HCRTR2: variants seen among roughly 807,000 people sequenced by gnomAD.
HCRTR2 encodes the protein orexin receptor type 2.
A neutral mutation model predicts 49.0 loss-of-function variants in HCRTR2; 22 were observed. That is an observed-to-expected ratio of 0.45 (90% CI 0.32 to 0.64). The LOEUF (loss-of-function observed/expected upper bound fraction) is 0.64. HCRTR2 is among the 30% of genes least tolerant of loss of function. The pLI is 0.04. For missense variants in HCRTR2, 491 were observed against 559.4 expected (o/e 0.88, Z 1.23); for synonymous variants, 236 against 205.3 (o/e 1.15, Z -1.28).
At chr6:55,219,502 A>T (rs2127295160) in intron 1 of HCRTR2, among the ~76,000 whole-genome samples, 1 of 152,266 alleles carries the variant, frequency 6.6e-6, no homozygotes, top group South Asian at 2.1e-4. Context: ...GATAAATGAA[A>T]ATGTCTCAAG....
intron 1 of HCRTR2, among the ~76,000 whole-genome samples, chr6:55,224,886 A>C (rs1416139323): frequency 6.6e-6 from 1 of 152,174 alleles, no homozygotes; most frequent in African/African-American, 2.4e-5. Flanking sequence ...GAAACGGTCA[A>C]AGAATAAAAA....
At chr6:55,184,469 T>G (rs1299757618) in intron 1 of HCRTR2, among the ~76,000 whole-genome samples, 2 of 152,190 alleles carry the variant, frequency 1.3e-5, no homozygotes, top group East Asian at 1.9e-4. Flanking sequence ...AAATTTGAGA[T>G]CTAATAAACA....
At chr6:55,142,954 A>T (rs1388836138) in intron 1 of HCRTR2, among the ~76,000 whole-genome samples, 1 of 146,482 alleles carries the variant, frequency 6.8e-6, no homozygotes, top group African/African-American at 2.5e-5. Context: ...AAATAAATAG[A>T]TGGATAGAGG....
chr6:55,120,103 G>A (rs564121867), intron 1 of HCRTR2, among the ~76,000 whole-genome samples: 25 of 152,160 alleles, frequency 1.6e-4, no homozygotes, highest in Admixed American at 1.5e-3. Context: ...TTATTTCTGA[G>A]GCCTCTATTC....
chr6:55,233,780 T>G (rs1467235815), intron 1 of HCRTR2, among the ~76,000 whole-genome samples: 1 of 152,206 alleles, frequency 6.6e-6, no homozygotes, highest in Non-Finnish European at 1.5e-5. Context: ...TTTGCTTTAT[T>G]TACTCAATTA....
intron 1 of HCRTR2, among the ~76,000 whole-genome samples, chr6:55,161,126 A>G (rs1161556311): frequency 6.6e-6 from 1 of 152,194 alleles, no homozygotes; most frequent in Non-Finnish European, 1.5e-5. Context: ...AAATCATAAC[A>G]AACAGTCTCT....
intron 1 of HCRTR2, among the ~76,000 whole-genome samples, chr6:55,154,453 G>A (rs373319685): frequency 1.3e-5 from 2 of 151,678 alleles, no homozygotes; most frequent in Admixed American, 6.6e-5. Context: ...TCCTTAGGAC[G>A]CAAGGATAAG....
At chr6:55,164,645 G>T (rs1387300551) in intron 1 of HCRTR2, among the ~76,000 whole-genome samples, 2 of 151,994 alleles carry the variant, frequency 1.3e-5, no homozygotes, top group Non-Finnish European at 2.9e-5. Context: ...GCTAGGGGAG[G>T]GATAACATTA....
At chr6:55,217,447 C>T (rs910097644) in intron 1 of HCRTR2, among the ~76,000 whole-genome samples, 2 of 152,068 alleles carry the variant, frequency 1.3e-5, no homozygotes, top group African/African-American at 4.8e-5. Flanking sequence ...CAAAAGTAGC[C>T]AAACAGCATC....
At chr6:55,203,198 A>G (rs948306059) in intron 1 of HCRTR2, among the ~76,000 whole-genome samples, 1 of 152,172 alleles carries the variant, frequency 6.6e-6, no homozygotes, top group Non-Finnish European at 1.5e-5. Flanking sequence ...TATATATATA[A>G]TTTCTCTGAA....
At position 55,248,790 on chromosome 6, in the gene HCRTR2, C is replaced by T; in HGVS notation, c.375C>T (p.Ser125=). 2 of 1,613,260 alleles carry T rather than the reference C, an allele frequency of 1.2e-6. No homozygotes were observed. The highest frequency in any genetic ancestry group is 1.3e-5 in the African/African-American group (1 of 74,932). Residue 125 remains serine, a synonymous_variant, in exon 2 of 7, where the codon TCC becomes TCT. Coordinates refer to ENST00000370862, the MANE Select transcript of HCRTR2 (RefSeq NM_001384272.1). ...CTGAGACCTGGTTTTTTGGACAGTC[C>T]CTTTGCAAAGTGATTCCTTATCTAC... ...DITETWFFGQ[S]LCKVIPYLQT...
intron 3 of HCRTR2, among the ~76,000 whole-genome samples, chr6:55,258,489 A>C (rs922015791): frequency 6.6e-6 from 1 of 152,160 alleles, no homozygotes; most frequent in Non-Finnish European, 1.5e-5. Flanking sequence ...TATATGGATA[A>C]ATGATTTCTA....
intron 1 of HCRTR2, among the ~76,000 whole-genome samples, chr6:55,128,100 A>G (rs534338427): frequency 1.2e-4 from 19 of 152,134 alleles, no homozygotes; most frequent in Non-Finnish European, 2.4e-4. Flanking sequence ...ATTTTTGTAC[A>G]TGGTGTAAGG....
At chr6:55,133,646 TTATCTATCTATCTATCATCTATC>T (rs1160218104) in intron 1 of HCRTR2, among the ~76,000 whole-genome samples, 55 of 146,572 alleles carry the variant, frequency 3.8e-4, no homozygotes, top group African/African-American at 1.2e-3. Context: ...CTACATGTAT[TTATCTATCTATCTATCATCTATC>T]TATCTATCTA....
intron 4 of HCRTR2, among the ~76,000 whole-genome samples, chr6:55,273,693 A>G (rs1429139093): frequency 6.9e-6 from 1 of 145,608 alleles, no homozygotes; most frequent in Admixed American, 6.8e-5. Flanking sequence ...TTGTGGTTTC[A>G]TTGCTCATAT....
chr6:55,147,031 C>G (rs986772088), intron 1 of HCRTR2, among the ~76,000 whole-genome samples: 2 of 152,028 alleles, frequency 1.3e-5, no homozygotes, highest in African/African-American at 4.8e-5. Context: ...TTAAAAATCC[C>G]AAATGTTTCT....
At chr6:55,122,408 A>C (rs1192808704) in intron 1 of HCRTR2, among the ~76,000 whole-genome samples, 1 of 152,086 alleles carries the variant, frequency 6.6e-6, no homozygotes, top group Non-Finnish European at 1.5e-5. Flanking sequence ...TCTTTTCAAA[A>C]AACCAGCTCC....
chr6:55,154,741 C>T (rs921661382), intron 1 of HCRTR2, among the ~76,000 whole-genome samples: 4 of 150,406 alleles, frequency 2.7e-5, no homozygotes, highest in African/African-American at 9.7e-5. Context: ...TAAAATCCAC[C>T]AAATTGGAAA....
chr6:55,191,240 A>C (rs1163706873), intron 1 of HCRTR2, among the ~76,000 whole-genome samples: 1 of 152,226 alleles, frequency 6.6e-6, no homozygotes, highest in Non-Finnish European at 1.5e-5. Context: ...ATATTAAGCC[A>C]ACAATATACT....
Sources: gnomAD v4.1 joint callset for allele counts (sites outside exome capture counted in the v4.1 genomes callset) on GRCh38, gnomAD v4.1.1 for gene constraint, MANE v1.5 for transcripts, NCBI Gene and HGNC (gene_info 2026-07-23, HGNC 2026-07-21) for gene names.